The following SLC24A2 variants were observed in gnomAD, a reference collection of about 807,000 sequenced individuals.
SLC24A2 encodes solute carrier family 24 member 2.
SLC24A2 carries 36 observed loss-of-function variants against 62.0 expected under a neutral mutation model. That is an observed-to-expected ratio of 0.58 (90% CI 0.44 to 0.77). The LOEUF (loss-of-function observed/expected upper bound fraction) is 0.77, where lower values mean the gene tolerates loss of function less well. Among genes scored for constraint, SLC24A2 ranks in the 30% least tolerant of loss-of-function variants. The probability of loss-of-function intolerance (pLI) is 0.00; values close to 1 mark genes in which losing one functional copy is unlikely to be tolerated. For missense variants in SLC24A2, 846 were observed against 817.9 expected (o/e 1.03, Z -0.42); for synonymous variants, 358 against 294.0 (o/e 1.22, Z -2.23).
At chr9:19,859,867 C>T in the SLC24A2 span, among the ~76,000 whole-genome samples, 1 of 152,208 alleles carries the variant, frequency 6.6e-6, no homozygotes, top group East Asian at 1.9e-4. Flanking sequence ...AGACCAAACT[C>T]AGCTGATGCC....
intron 8 of SLC24A2, among the ~76,000 whole-genome samples, chr9:19,544,632 C>G (rs944084149): frequency 1.8e-4 from 27 of 152,136 alleles, no homozygotes; most frequent in Non-Finnish European, 8.8e-5. Flanking sequence ...CTGGTGGTGA[C>G]AAAATCTCTC....
At chr9:20,051,657 C>CTTTTTTTTTTTTTTTTTTTTT in the SLC24A2 span, among the ~76,000 whole-genome samples, 25 of 73,502 alleles carry the variant, frequency 3.4e-4, no homozygotes, top group Admixed American at 1.2e-3. Flanking sequence ...TTTTCTTTCT[C>CTTTTTTTTTTTTTTTTTTTTT]TTTTTTTTTT....
At chr9:20,034,079 G>A in the SLC24A2 span, among the ~76,000 whole-genome samples, 1 of 152,162 alleles carries the variant, frequency 6.6e-6, no homozygotes, top group Non-Finnish European at 1.5e-5. Flanking sequence ...GAAAGTTAAA[G>A]ATATGGAGGA....
chr9:20,062,013 A>G, the SLC24A2 span, among the ~76,000 whole-genome samples: 2 of 152,132 alleles, frequency 1.3e-5, no homozygotes, highest in African/African-American at 4.8e-5. Context: ...AGGCAGGAGG[A>G]TTGCTTGAGG....
intron 1 of SLC24A2, 103 bp downstream of exon 1, chr9:19,788,782 C>T (rs1823255799): frequency 1.0e-6 from 1 of 985,348 alleles, no homozygotes; most frequent in South Asian, 4.7e-5. Context: ...GGCAGAGCCA[C>T]CTGTGAGCCT....
chr9:19,994,683 T>A, the SLC24A2 span, among the ~76,000 whole-genome samples: 2 of 152,154 alleles, frequency 1.3e-5, no homozygotes, highest in African/African-American at 4.8e-5. Flanking sequence ...TCTGAGGGCC[T>A]CTGCATATGT....
At chr9:20,193,657 G>A in the SLC24A2 span, among the ~76,000 whole-genome samples, 1 of 152,048 alleles carries the variant, frequency 6.6e-6, no homozygotes, top group Non-Finnish European at 1.5e-5. Flanking sequence ...GTTTAAAGAT[G>A]ATAAATATTT....
chr9:20,180,696 C>T, the SLC24A2 span, among the ~76,000 whole-genome samples: 1 of 152,158 alleles, frequency 6.6e-6, no homozygotes, highest in African/African-American at 2.4e-5. Flanking sequence ...ATCTGGTTCA[C>T]TCCTCAACTA....
At chr9:20,291,718 G>A in the SLC24A2 span, among the ~76,000 whole-genome samples, 5 of 152,206 alleles carry the variant, frequency 3.3e-5, no homozygotes, top group African/African-American at 9.6e-5. Context: ...ATATATTATA[G>A]AGGATCTTGA....
the SLC24A2 span, among the ~76,000 whole-genome samples, chr9:20,094,157 C>G: frequency 6.6e-6 from 1 of 152,012 alleles, no homozygotes; most frequent in East Asian, 1.9e-4. Flanking sequence ...ACTATATGTC[C>G]TTATATATTC....
chr9:19,828,989 C>G, the SLC24A2 span, among the ~76,000 whole-genome samples: 1 of 152,160 alleles, frequency 6.6e-6, no homozygotes, highest in African/African-American at 2.4e-5. Context: ...CCTCTACTGC[C>G]TACTAATTCC....
At chr9:20,008,551 G>A in the SLC24A2 span, among the ~76,000 whole-genome samples, 2 of 152,086 alleles carry the variant, frequency 1.3e-5, no homozygotes, top group African/African-American at 4.8e-5. Flanking sequence ...AGCCACCTTG[G>A]CAGCTCCATG....
the SLC24A2 span, among the ~76,000 whole-genome samples, chr9:19,990,175 T>C: frequency 1.3e-5 from 2 of 152,224 alleles, no homozygotes; most frequent in African/African-American, 4.8e-5. Context: ...AACATAATTA[T>C]GCCCATTTTA....
intron 2 of SLC24A2, among the ~76,000 whole-genome samples, chr9:19,721,774 G>C (rs561695679): frequency 6.6e-6 from 1 of 152,010 alleles, no homozygotes; most frequent in Non-Finnish European, 1.5e-5. Flanking sequence ...TTTGAGAATA[G>C]TTTCATCCTA....
At chr9:20,289,657 C>G in the SLC24A2 span, among the ~76,000 whole-genome samples, 7 of 152,180 alleles carry the variant, frequency 4.6e-5, no homozygotes, top group Non-Finnish European at 1.0e-4. Context: ...TGTCTTGTGT[C>G]TCCAGCAGCA....
At chr9:19,847,717 A>C in the SLC24A2 span, among the ~76,000 whole-genome samples, 6 of 152,038 alleles carry the variant, frequency 3.9e-5, no homozygotes, top group African/African-American at 1.4e-4. Context: ...AATCCTTGTG[A>C]TTTTTGACTA....
intron 5 of SLC24A2, among the ~76,000 whole-genome samples, chr9:19,595,483 G>A (rs1015462354): frequency 6.6e-6 from 1 of 152,182 alleles, no homozygotes; most frequent in Non-Finnish European, 1.5e-5. Flanking sequence ...GACCCAGGGA[G>A]GGCCCCCAAA....
the SLC24A2 span, among the ~76,000 whole-genome samples, chr9:20,187,615 T>A: frequency 6.6e-6 from 1 of 152,218 alleles, no homozygotes; most frequent in African/African-American, 2.4e-5. Flanking sequence ...CTACATTCTC[T>A]CCAGTTCTTT....
chr9:19,944,904 A>G, the SLC24A2 span, among the ~76,000 whole-genome samples: 1 of 152,180 alleles, frequency 6.6e-6, no homozygotes, highest in South Asian at 2.1e-4. Flanking sequence ...TCAGATTTCT[A>G]TTTGAAGAAA....
Sources: allele counts gnomAD v4.1 joint callset (sites outside exome capture counted in the v4.1 genomes callset), GRCh38; gene constraint gnomAD v4.1.1; transcripts MANE v1.5; gene names NCBI Gene and HGNC (gene_info 2026-07-23, HGNC 2026-07-21).